Variants in RBFOX1 observed in about 807,000 individuals in gnomAD.
The protein encoded by RBFOX1 is RNA binding fox-1 homolog 1.
In RBFOX1, 8 loss-of-function variants were observed where a neutral mutation model predicts 57.7. The observed-to-expected ratio is 0.14, with a 90% CI of 0.08 to 0.25. The LOEUF is 0.25. RBFOX1 is among the 10% of genes least tolerant of loss of function. The probability of loss-of-function intolerance (pLI) is 1.00; values close to 1 mark genes in which losing one functional copy is unlikely to be tolerated. For missense variants in RBFOX1, 611 were observed against 548.5 expected (o/e 1.11, Z -1.14); for synonymous variants, 326 against 222.4 (o/e 1.47, Z -4.15).
At chr16:6,374,453 G>C (rs766229739) in intron 2 of RBFOX1, among the ~76,000 whole-genome samples, 5 of 152,046 alleles carry the variant, frequency 3.3e-5, no homozygotes, top group Non-Finnish European at 7.4e-5. Context: ...CTGATATTGT[G>C]AACAGAAAGG....
intron 2 of RBFOX1, 124 bp from the exon 3 acceptor site, chr16:6,654,479 C>A (rs11645523): frequency 4.1e-6 from 3 of 737,744 alleles, no homozygotes; most frequent in Non-Finnish European, 6.4e-6. Flanking sequence ...CGAGAAAGAA[C>A]TATTAGGAGC....
intron 3 of RBFOX1, among the ~76,000 whole-genome samples, chr16:6,818,910 T>C (rs1335427657): frequency 6.6e-6 from 1 of 152,246 alleles, no homozygotes; most frequent in Non-Finnish European, 1.5e-5. Context: ...CGATTTCCTC[T>C]GGGCATGCTG....
chr16:5,704,492 C>A (rs1362370793), intron 3 of RBFOX1, among the ~76,000 whole-genome samples: 2 of 152,092 alleles, frequency 1.3e-5, no homozygotes, highest in East Asian at 3.9e-4. Flanking sequence ...GCCAACCAGG[C>A]CCAGCTACTT....
chr16:5,304,876 A>G (rs915948107), intron 1 of RBFOX1, among the ~76,000 whole-genome samples: 1 of 152,152 alleles, frequency 6.6e-6, no homozygotes. Flanking sequence ...TTTCATTTGC[A>G]TTTCTCCTAT....
At chr16:5,971,316 A>G (rs1047203764) in intron 4 of RBFOX1, among the ~76,000 whole-genome samples, 4 of 152,232 alleles carry the variant, frequency 2.6e-5, no homozygotes, top group African/African-American at 9.6e-5. Context: ...AAATGACATC[A>G]TGTGTGGACG....
intron 4 of RBFOX1, among the ~76,000 whole-genome samples, chr16:7,252,348 A>C (rs2094526701): frequency 1.3e-5 from 2 of 152,188 alleles, no homozygotes; most frequent in South Asian, 4.2e-4. Flanking sequence ...TACATTCACC[A>C]CTCTGTGCTT....
chr16:7,283,319 C>T (rs551724838), intron 4 of RBFOX1, among the ~76,000 whole-genome samples: 76 of 152,048 alleles, frequency 5.0e-4, no homozygotes, highest in Non-Finnish European at 9.1e-4. Context: ...TCTGCCTCTG[C>T]AGTCTCTATA....
chr16:6,302,414 A>G (rs1244981015), intron 1 of RBFOX1, among the ~76,000 whole-genome samples: 1 of 152,156 alleles, frequency 6.6e-6, no homozygotes, highest in Non-Finnish European at 1.5e-5. Context: ...AGGACTGACT[A>G]TCAGGAATTT....
chr16:6,692,748 G>C (rs779748032), intron 3 of RBFOX1, among the ~76,000 whole-genome samples: 3 of 151,418 alleles, frequency 2.0e-5, no homozygotes, highest in Non-Finnish European at 2.9e-5. Context: ...CTTCTGATCT[G>C]TTTCAACCCA....
intron 4 of RBFOX1, among the ~76,000 whole-genome samples, chr16:7,165,951 C>CACAT (rs1462379353): frequency 8.7e-5 from 7 of 80,500 alleles, no homozygotes; most frequent in South Asian, 5.5e-4. Context: ...CACACACACA[C>CACAT]ACACACACAC....
rs565941451 is a variant in RBFOX1, at chr16:6,985,832, T to TAAAAA, written c.-15-66214_-15-66210dup. Among the ~76,000 whole-genome samples, 141 of 99,826 alleles carry TAAAAA rather than the reference T, an allele frequency of 1.4e-3. 4 individuals are homozygous for TAAAAA. Among genetic ancestry groups the TAAAAA allele is most frequent in the East Asian group, 0.014 (45 of 3,224 alleles). 65.5% of individuals were successfully genotyped at this position (99,826 alleles called of 152,430 possible). Reference sequence around the variant, plus strand: ...CTGGGCCACAGAGCGTGAGTTCATGTAAAAAAAAAAAAAAACAGAATTTTT... The same window carrying TAAAAA: ...CTGGGCCACAGAGCGTGAGTTCATGTAAAAAAAAAAAAAAAAAAAACAGAATTTTT... On this transcript the variant is annotated intron_variant, in intron 3 of 15. Coordinates refer to ENST00000550418, the MANE Select transcript of RBFOX1 (RefSeq NM_018723.4).
chr16:7,226,588 G>C (rs1478332704), intron 4 of RBFOX1, among the ~76,000 whole-genome samples: 1 of 152,172 alleles, frequency 6.6e-6, no homozygotes, highest in African/African-American at 2.4e-5. Context: ...ACATCTGGGG[G>C]TTCTTTCCTG....
intron 4 of RBFOX1, among the ~76,000 whole-genome samples, chr16:7,383,977 C>A (rs1249796308): frequency 6.6e-6 from 1 of 151,642 alleles, no homozygotes; most frequent in East Asian, 1.9e-4. Context: ...TCACTTGAAC[C>A]CAGTAGGTGG....
intron 3 of RBFOX1, among the ~76,000 whole-genome samples, chr16:6,986,804 G>A (rs185261329): frequency 1.3e-5 from 2 of 152,140 alleles, no homozygotes; most frequent in East Asian, 1.9e-4. Flanking sequence ...AACTGAACAC[G>A]CTGTAGGGCA....
chr16:5,269,410 C>G (rs200431086), intron 1 of RBFOX1, among the ~76,000 whole-genome samples: 5 of 152,240 alleles, frequency 3.3e-5, no homozygotes, highest in Admixed American at 1.3e-4. Flanking sequence ...CACACAAAAA[C>G]TTGTACATGA....
chr16:7,142,850 G>C (rs993900739), intron 4 of RBFOX1, among the ~76,000 whole-genome samples: 1 of 151,788 alleles, frequency 6.6e-6, no homozygotes, highest in African/African-American at 2.4e-5. Flanking sequence ...TCAGCCCTGA[G>C]TAATTTTCTC....
intron 3 of RBFOX1, among the ~76,000 whole-genome samples, chr16:5,608,235 G>A (rs1051156084): frequency 6.6e-6 from 1 of 152,158 alleles, no homozygotes; most frequent in African/African-American, 2.4e-5. Flanking sequence ...CTCACTTCAC[G>A]GAGGGGCACT....
chr16:7,210,773 G>A (rs2090968513), intron 4 of RBFOX1, among the ~76,000 whole-genome samples: 1 of 152,058 alleles, frequency 6.6e-6, no homozygotes, highest in Non-Finnish European at 1.5e-5. Flanking sequence ...ACATGTCCAA[G>A]GTCACACAGG....
At chr16:6,087,249 T>A (rs1048196843) in intron 1 of RBFOX1, among the ~76,000 whole-genome samples, 3 of 152,194 alleles carry the variant, frequency 2.0e-5, no homozygotes, top group Admixed American at 2.0e-4. Flanking sequence ...GAAAAGGTGT[T>A]TCCTTAGGCA....
Sources: allele counts gnomAD v4.1 joint callset (sites outside exome capture counted in the v4.1 genomes callset), GRCh38; gene constraint gnomAD v4.1.1; transcripts MANE v1.5; gene names NCBI Gene and HGNC (gene_info 2026-07-23, HGNC 2026-07-21).